The following PDE3B variants were observed in gnomAD, a reference collection of about 807,000 sequenced individuals.
The protein encoded by PDE3B is phosphodiesterase 3B.
PDE3B carries 66 observed loss-of-function variants against 116.8 expected under a neutral mutation model. That is an observed-to-expected ratio of 0.56 (90% CI 0.46 to 0.69). The LOEUF is 0.69. PDE3B is among the 30% of genes least tolerant of loss of function. PDE3B has a pLI of 0.00. For missense variants in PDE3B, 1,384 were observed against 1,368.1 expected (o/e 1.01, Z -0.18); for synonymous variants, 595 against 533.6 (o/e 1.12, Z -1.59).
At chr11:14,888,315 C>T in the PDE3B span, among the ~76,000 whole-genome samples, 89 of 152,288 alleles carry the variant, frequency 5.8e-4, no homozygotes, top group African/African-American at 2.0e-3. Flanking sequence ...GGACAGTGCA[C>T]AGCATATGAC....
chr11:14,668,469 A>AT (rs1220770346), intron 1 of PDE3B, among the ~76,000 whole-genome samples: 4 of 152,142 alleles, frequency 2.6e-5, no homozygotes, highest in African/African-American at 9.7e-5. Context: ...ACATTACTAT[A>AT]TTTTTTAATG....
chr11:14,787,571 A>C (rs1434162957), intron 3 of PDE3B, among the ~76,000 whole-genome samples: 3 of 151,978 alleles, frequency 2.0e-5, no homozygotes, highest in African/African-American at 7.2e-5. Context: ...AAATGTTGAA[A>C]AGTTAAGCAA....
intron 1 of PDE3B, among the ~76,000 whole-genome samples, chr11:14,687,029 AT>A (rs1854898737): frequency 6.6e-6 from 1 of 152,172 alleles, no homozygotes; most frequent in African/African-American, 2.4e-5. Context: ...TTATTAAAAT[AT>A]TTTTTATAGT....
chr11:14,683,234 C>G (rs1381714617), intron 1 of PDE3B, among the ~76,000 whole-genome samples: 1 of 152,218 alleles, frequency 6.6e-6, no homozygotes, highest in Non-Finnish European at 1.5e-5. Flanking sequence ...GCCACCGTGC[C>G]TGGCCTGATT....
chr11:14,685,375 A>G (rs1158356503), intron 1 of PDE3B, among the ~76,000 whole-genome samples: 1 of 149,328 alleles, frequency 6.7e-6, no homozygotes, highest in African/African-American at 2.5e-5. Context: ...CCCTAAACCT[A>G]CTATGTATTT....
At chr11:14,736,408 CAAAG>C (rs1388168929) in intron 1 of PDE3B, among the ~76,000 whole-genome samples, 2 of 152,082 alleles carry the variant, frequency 1.3e-5, no homozygotes, top group African/African-American at 4.8e-5. Context: ...GTAGAGAACA[CAAAG>C]AAAAGAAAAC....
chr11:14,886,863 GA>G, the PDE3B span: 1 of 152,274 alleles, frequency 6.6e-6, no homozygotes, highest in Admixed American at 6.5e-5. Context: ...AAGTTCAGCA[GA>G]AAGTTATATC....
chr11:14,739,126 C>G (rs1856688020), intron 1 of PDE3B, among the ~76,000 whole-genome samples: 1 of 152,152 alleles, frequency 6.6e-6, no homozygotes, highest in Admixed American at 6.5e-5. Flanking sequence ...GTAGTTTTCT[C>G]TAATTCTGTG....
At chr11:14,778,451 C>G (rs1485070309) in intron 2 of PDE3B, among the ~76,000 whole-genome samples, 1 of 152,192 alleles carries the variant, frequency 6.6e-6, no homozygotes, top group Non-Finnish European at 1.5e-5. Flanking sequence ...CGGCCGGGCG[C>G]CCCTCTGAGA....
chr11:14,682,940 A>ATT (rs113529850), intron 1 of PDE3B, among the ~76,000 whole-genome samples: 13 of 141,110 alleles, frequency 9.2e-5, no homozygotes, highest in African/African-American at 2.8e-4. Flanking sequence ...CATAGTATTG[A>ATT]TTTTTTTTTT....
chr11:14,832,858 T>G (rs1294956897), intron 10 of PDE3B, 25 bp downstream of exon 10: 1 of 1,029,670 alleles, frequency 9.7e-7, no homozygotes, highest in Non-Finnish European at 1.5e-6. Flanking sequence ...ATTTTATTAT[T>G]TAAGTTCAAA....
At chr11:14,725,376 C>T (rs1409398215) in intron 1 of PDE3B, among the ~76,000 whole-genome samples, 1 of 143,790 alleles carries the variant, frequency 7.0e-6, no homozygotes. Flanking sequence ...TTTCTCCTTT[C>T]TTCCTTCCTT....
At chr11:14,700,290 A>C (rs192044353) in intron 1 of PDE3B, among the ~76,000 whole-genome samples, 2 of 151,918 alleles carry the variant, frequency 1.3e-5, no homozygotes, top group Non-Finnish European at 3.0e-5. Context: ...TATGCTGAAT[A>C]ACAAAAGTCT....
intron 2 of PDE3B, among the ~76,000 whole-genome samples, chr11:14,785,829 T>A (rs2122942): frequency 2.0e-5 from 3 of 151,656 alleles, no homozygotes; most frequent in Non-Finnish European, 4.4e-5. Flanking sequence ...ATATTTTTCT[T>A]TATTTTTATC....
intron 1 of PDE3B, among the ~76,000 whole-genome samples, chr11:14,767,879 TG>T (rs1857539722): frequency 6.6e-6 from 1 of 151,322 alleles, no homozygotes; most frequent in Non-Finnish European, 1.5e-5. Flanking sequence ...TAAAATTTTA[TG>T]TTTTTAAAAA....
intron 1 of PDE3B, among the ~76,000 whole-genome samples, chr11:14,757,997 G>T (rs1331631455): frequency 6.6e-6 from 1 of 151,646 alleles, no homozygotes; most frequent in African/African-American, 2.4e-5. Flanking sequence ...GTAAGGAAGG[G>T]ATCCGGTTTC....
chr11:14,645,164 AAG>A (rs1203226565), intron 1 of PDE3B, 111 bp downstream of exon 1: 4 of 281,050 alleles, frequency 1.4e-5, no homozygotes, highest in Non-Finnish European at 2.3e-5. Context: ...AGAATGGAAA[AAG>A]GGTGTGTTGC....
At chr11:14,838,942 A>G (rs1232230201) in intron 11 of PDE3B, among the ~76,000 whole-genome samples, 1 of 152,250 alleles carries the variant, frequency 6.6e-6, no homozygotes, top group Non-Finnish European at 1.5e-5. Flanking sequence ...GGAATCCAGA[A>G]GCTCACAATG....
chr11:14,855,479 AATTT>A (rs1847832226), intron 12 of PDE3B, among the ~76,000 whole-genome samples: 1 of 152,220 alleles, frequency 6.6e-6, no homozygotes, highest in African/African-American at 2.4e-5. Context: ...ATTCTAGGGG[AATTT>A]ATTCATTTAT....
Sources: gnomAD v4.1 joint callset for allele counts (sites outside exome capture counted in the v4.1 genomes callset) on GRCh38, gnomAD v4.1.1 for gene constraint, MANE v1.5 for transcripts, NCBI Gene and HGNC (gene_info 2026-07-23, HGNC 2026-07-21) for gene names.